KCNQ1: variants seen among roughly 807,000 people sequenced by gnomAD.
KCNQ1 encodes the protein potassium voltage-gated channel subfamily Q member 1.
In KCNQ1, 49 loss-of-function variants were observed where a neutral mutation model predicts 72.4. The ratio of observed to expected loss-of-function variants is 0.68; its 90% CI spans 0.54 to 0.86. KCNQ1 has a LOEUF of 0.86. Ranked by LOEUF, KCNQ1 falls within the 40% of genes least tolerant of loss-of-function variation. The pLI is 0.00. For synonymous variants in KCNQ1, 450 were observed against 412.6 expected (o/e 1.09, Z -1.10); for missense variants, 790 against 945.1 (o/e 0.84, Z 2.15).
At position 2,526,565 on chromosome 11, in the gene KCNQ1, T is replaced by G. The variant is rs1203534481; in HGVS notation, c.387-1363T>G. Reference sequence around the variant, plus strand: ...GTCCACAGGAGCTTGGGGAAGGGGGTGGGGGGCCAGAGCCCCACCTTCCCC... The same window carrying G: ...GTCCACAGGAGCTTGGGGAAGGGGGGGGGGGGCCAGAGCCCCACCTTCCCC... On this transcript the variant is annotated intron_variant, in intron 1 of 15. Coordinates refer to ENST00000155840, the MANE Select transcript of KCNQ1 (RefSeq NM_000218.3). The surrounding 1 kb of genome is among the most constrained non-coding windows in gnomAD (Gnocchi z 6.1). Among the ~76,000 whole-genome samples, 26 of 129,108 alleles carry G rather than the reference T, an allele frequency of 2.0e-4. No homozygotes were observed. The highest frequency in any genetic ancestry group is 5.9e-4 in the African/African-American group (20 of 33,910). 84.7% of individuals were successfully genotyped at this position (129,108 alleles called of 152,430 possible). A position where few individuals can be genotyped will look rare whatever the true frequency, so the allele number is the denominator to read the frequency against.
Position 2,572,021 on chromosome 11 carries a change from G to A in KCNQ1, c.692G>A (p.Arg231His), listed in dbSNP as rs199472709. Residue 231 changes from arginine to histidine, a missense_variant, in exon 5 of 16, where the codon CGC (arginine) becomes CAC (histidine). Transcript: ENST00000155840. ...CACCATCTCCTTCGCAGGGGCATCC[G>A]CTTCCTGCAGATCCTGAGGATGCTA... ...VFATSAIRGI[R>H]FLQILRMLHV... The A allele has an allele frequency of 1.9e-6, 3 of 1,612,354 alleles. No homozygotes were observed. Among genetic ancestry groups the A allele is most frequent in the Non-Finnish European group, 1.7e-6 (2 of 1,179,610 alleles).
chr11:2,811,846 A>G (rs1847492084), intron 15 of KCNQ1, among the ~76,000 whole-genome samples: 1 of 152,180 alleles, frequency 6.6e-6, no homozygotes, highest in South Asian at 2.1e-4. Context: ...CAAGCCTGGA[A>G]AACGGTGCTC....
Position 2,608,051 on chromosome 11 carries a change from C to G in KCNQ1, c.1393+19197C>G, listed in dbSNP as rs767516479. ...TACCTAATGCCACAGAACTATATAC[C>G]TAAAATGGGTAAAATAAATTTTATA... On this transcript the variant is annotated intron_variant, in intron 10 of 15. Coordinates refer to ENST00000155840, the MANE Select transcript of KCNQ1 (RefSeq NM_000218.3). The surrounding 1 kb of genome is among the most constrained non-coding windows in gnomAD (Gnocchi z 4.6). Among the ~76,000 whole-genome samples the G allele has an allele frequency of 3.3e-5, 5 of 152,166 alleles. No homozygotes were observed. Among genetic ancestry groups the G allele is most frequent in the Non-Finnish European group, 7.3e-5 (5 of 68,030 alleles).
intron 15 of KCNQ1, among the ~76,000 whole-genome samples, chr11:2,843,167 G>A (rs568403271): frequency 2.6e-5 from 4 of 152,328 alleles, no homozygotes; most frequent in Admixed American, 1.3e-4. Context: ...CGAGAAACAC[G>A]GTCGACTTTT....
At chr11:2,737,864 C>T (rs1845985575) in intron 11 of KCNQ1, among the ~76,000 whole-genome samples, 1 of 152,174 alleles carries the variant, frequency 6.6e-6, no homozygotes, top group Non-Finnish European at 1.5e-5. Flanking sequence ...GTGAGGCGGT[C>T]ATAATACAGG....
chr11:2,847,865 C>A lies in KCNQ1; in HGVS notation c.1893C>A (p.Pro631=). ...GCACCCCCGGCAGCGGCGGCCCCCC[C>A]AGAGAGGGCGGGGCCCACATCACCC... The part of the protein sequence containing the change: ...GGSTPGSGGP[P]REGGAHITQP... Residue 631 remains proline, a synonymous_variant, in exon 16 of 16, where the codon CCC becomes CCA. Coordinates refer to ENST00000155840, the MANE Select transcript of KCNQ1 (RefSeq NM_000218.3). The A allele has an allele frequency of 6.3e-7, 1 of 1,577,746 alleles. No homozygotes were observed. The highest frequency in any genetic ancestry group is 8.6e-7 in the Non-Finnish European group (1 of 1,161,882).
At chr11:2,619,233 T>C (rs1041543282) in intron 10 of KCNQ1, 12 of 398,398 alleles carry the variant, frequency 3.0e-5, no homozygotes, top group Non-Finnish European at 4.9e-5. Context: ...GTAGCTAGAG[T>C]GGGCATCCTT....
chr11:2,627,593 C>T lies in KCNQ1; in HGVS notation c.1394-34368C>T. 6 of 398,460 alleles carry T rather than the reference C, an allele frequency of 1.5e-5. No individual in the cohort carries two copies. Among genetic ancestry groups the T allele is most frequent in the Non-Finnish European group, 2.2e-5 (5 of 226,058 alleles). The allele number at this position is 398,460 out of a possible 1,614,324, so 24.7% of individuals were successfully genotyped here. A position where few individuals can be genotyped will look rare whatever the true frequency, so the allele number is the denominator to read the frequency against. On this transcript the variant is annotated intron_variant, in intron 10 of 15. Transcript: ENST00000155840. This position sits in a 1 kb window ranked among gnomAD's most constrained non-coding sequence, Gnocchi z 4.9. ...TGGCTATTTCACTTAGCATAATATC[C>T]TCCAGGTTCATCTATGTTGTCATAA...
In KCNQ1 at chr11:2,769,504, G is replaced by A. The variant is rs978937802; in HGVS notation, c.1590+585G>A. 3.9e-5 allele frequency among the ~76,000 whole-genome samples: 6 copies of A among 152,328 alleles called. No homozygotes were observed. The East Asian group carries it at 1.2e-3, about 29-fold the overall frequency. Reference sequence around the variant, plus strand: ...GCTGCCCTAACTTCTCCAGGGGCATGTCCCCCCTACAGAAGCCCCTTAGAG... The same window carrying A: ...GCTGCCCTAACTTCTCCAGGGGCATATCCCCCCTACAGAAGCCCCTTAGAG... On this transcript the variant is annotated intron_variant, in intron 12 of 15. Coordinates refer to ENST00000155840, the MANE Select transcript of KCNQ1 (RefSeq NM_000218.3). This position sits in a 1 kb window ranked among gnomAD's most constrained non-coding sequence, Gnocchi z 4.6.
chr11:2,847,664 G>A (rs891656005), intron 15 of KCNQ1, 103 bp from the exon 16 acceptor site: 4 of 1,096,132 alleles, frequency 3.6e-6, no homozygotes, highest in Non-Finnish European at 2.7e-6. Flanking sequence ...TGCAGAGACG[G>A]TTGGCACCTT....
intron 11 of KCNQ1, among the ~76,000 whole-genome samples, chr11:2,708,569 G>A (rs760586028): frequency 1.3e-5 from 2 of 152,176 alleles, no homozygotes; most frequent in Admixed American, 6.5e-5. Context: ...CCCCTGGGGT[G>A]CACAGGGTGG....
rs939218382 is a variant in KCNQ1, at chr11:2,447,984, C to T, written c.386+2500C>T. Among the ~76,000 whole-genome samples, 9 of 152,192 alleles carry T rather than the reference C, an allele frequency of 5.9e-5. No individual in the cohort carries two copies. Among genetic ancestry groups the T allele is most frequent in the South Asian group, 2.1e-4 (1 of 4,836 alleles). ...CTCCCTGGGCTGGCCGGGGTGGACA[C>T]GGCACCTGGGCCACAACTCTTGCCC... On this transcript the variant is annotated intron_variant, in intron 1 of 15. Coordinates refer to ENST00000155840, the MANE Select transcript of KCNQ1 (RefSeq NM_000218.3). This position sits in a 1 kb window ranked among gnomAD's most constrained non-coding sequence, Gnocchi z 7.6.
intron 15 of KCNQ1, among the ~76,000 whole-genome samples, chr11:2,841,460 TG>T (rs1338022770): frequency 6.6e-6 from 1 of 152,026 alleles, no homozygotes; most frequent in Admixed American, 6.5e-5. Context: ...GCTGCCAGCC[TG>T]GGCAAGGGGC....
chr11:2,700,481 C>T (rs374334393), intron 11 of KCNQ1, among the ~76,000 whole-genome samples: 2 of 152,222 alleles, frequency 1.3e-5, no homozygotes. Flanking sequence ...CCAGCCCCTC[C>T]GCCGGCGCCG....
intron 1 of KCNQ1, among the ~76,000 whole-genome samples, chr11:2,459,769 A>G (rs1319718850): frequency 6.6e-6 from 1 of 151,988 alleles, no homozygotes; most frequent in Admixed American, 6.6e-5. Context: ...TCAGAGGTAG[A>G]TGAATGGAGT....
intron 11 of KCNQ1, among the ~76,000 whole-genome samples, chr11:2,740,448 G>C (rs1048916919): frequency 6.6e-6 from 1 of 152,202 alleles, no homozygotes; most frequent in African/African-American, 2.4e-5. Flanking sequence ...GACAGATGGG[G>C]CGAGGGACCC....
chr11:2,792,161 C>A (rs1847039813), intron 15 of KCNQ1, among the ~76,000 whole-genome samples: 1 of 152,200 alleles, frequency 6.6e-6, no homozygotes, highest in South Asian at 2.1e-4. Context: ...CTCCCGCACT[C>A]CCGCGGCCTC....
rs559394334 is a variant in KCNQ1 at position 2,762,313 on chromosome 11, C to G, written c.1515-6531C>G. On this transcript the variant is annotated intron_variant, in intron 11 of 15. Coordinates refer to ENST00000155840, the MANE Select transcript of KCNQ1 (RefSeq NM_000218.3). This position sits in a 1 kb window ranked among gnomAD's most constrained non-coding sequence, Gnocchi z 4.3. ...CCATCCCAGGTCGTGAAAATATTAT[C>G]CAACTTTCTTCGACAGGCCCGATTG... Among the ~76,000 whole-genome samples, 1 of 152,188 alleles carries G rather than the reference C, an allele frequency of 6.6e-6. No individual in the cohort carries two copies. The highest frequency in any genetic ancestry group is 2.4e-5 in the African/African-American group (1 of 41,422).
intron 12 of KCNQ1, among the ~76,000 whole-genome samples, chr11:2,773,841 A>G (rs1169458964): frequency 1.3e-5 from 2 of 150,796 alleles, no homozygotes; most frequent in Non-Finnish European, 3.0e-5. Context: ...GCTACCAGGT[A>G]CAAGAGATGC....
Sources: allele counts gnomAD v4.1 joint callset (sites outside exome capture counted in the v4.1 genomes callset), GRCh38; gene constraint gnomAD v4.1.1; non-coding constraint Gnocchi (gnomAD v3.1); transcripts MANE v1.5; gene names NCBI Gene and HGNC (gene_info 2026-07-23, HGNC 2026-07-21).